Variants in CADPS observed in about 807,000 individuals in gnomAD.
The protein encoded by CADPS is calcium-dependent secretion activator 1.
In CADPS, 57 loss-of-function variants were observed where a neutral mutation model predicts 167.3. That is an observed-to-expected ratio of 0.34 (90% confidence interval 0.28 to 0.42). The LOEUF (loss-of-function observed/expected upper bound fraction) is 0.42. Ranked by LOEUF, CADPS falls within the 20% of genes least tolerant of loss-of-function variation. The pLI, the probability that CADPS is intolerant of heterozygous loss-of-function variation, is 1.00. For missense variants in CADPS, 1,414 were observed against 1,738.1 expected, an observed-to-expected ratio of 0.81 and a Z score of 3.32; for synonymous variants, 676 against 635.3, an observed-to-expected ratio of 1.06 and a Z score of -0.96.
At chr3:62,609,395 GTTTTACC>G (rs1368402068) in intron 6 of CADPS, among the ~76,000 whole-genome samples, 1 of 152,170 alleles carries the variant, frequency 6.6e-6, no homozygotes, top group Non-Finnish European at 1.5e-5. Flanking sequence ...CAGGTGCTCT[GTTTTACC>G]TTTTAAGGTT....
chr3:62,598,079 C>T (rs1456781140), intron 6 of CADPS, among the ~76,000 whole-genome samples: 1 of 152,166 alleles, frequency 6.6e-6, no homozygotes, highest in Non-Finnish European at 1.5e-5. Context: ...ATTTCCTCTC[C>T]TCAAATCCAC....
At position 62,399,358 on chromosome 3, in the gene CADPS, T is replaced by G; in HGVS notation, c.*48A>C. ...GGGTTTAACTAACAGACTAAGGACA[T>G]GCACTGATTACAGGACTCTGTCCCA... On this transcript the variant is annotated 3_prime_UTR_variant, in exon 30 of 30. Coordinates refer to ENST00000383710, the MANE Select transcript of CADPS (RefSeq NM_003716.4). The surrounding 1 kb of genome is among the most constrained non-coding windows in gnomAD (Gnocchi z 5.6). 1 of 1,571,234 alleles carries G rather than the reference T, an allele frequency of 6.4e-7. No homozygotes were observed. The highest frequency in any genetic ancestry group is 8.8e-7 in the Non-Finnish European group (1 of 1,142,432).
Position 62,601,908 on chromosome 3 carries a change from C to A in CADPS, c.1326-9160G>T, listed in dbSNP as rs1439897807. 1.3e-5 allele frequency among the ~76,000 whole-genome samples: 2 copies of A among 152,046 alleles called. No homozygotes were observed. Among genetic ancestry groups the A allele is most frequent in the African/African-American group, 4.8e-5 (2 of 41,388 alleles). On this transcript the variant is annotated intron_variant, in intron 6 of 29. Transcript: ENST00000383710. The surrounding 1 kb of genome is among the most constrained non-coding windows in gnomAD (Gnocchi z 4.3). Reference sequence around the variant, plus strand: ...TTGGGAGAGTGGAGCTCAGAAAAATCTATGGGTAAAACAACCTTGTTCTCT... The same window carrying A: ...TTGGGAGAGTGGAGCTCAGAAAAATATATGGGTAAAACAACCTTGTTCTCT...
At chr3:62,605,752 C>T (rs186064389) in intron 6 of CADPS, among the ~76,000 whole-genome samples, 168 of 152,278 alleles carry the variant, frequency 1.1e-3, no homozygotes, top group Non-Finnish European at 1.8e-3. Context: ...TGAGGAAATA[C>T]GTCCTAGCCT....
chr3:62,467,352 G>T lies in CADPS; in HGVS notation c.3478-939C>A. The T allele has an allele frequency of 1.7e-6, 2 of 1,199,556 alleles. 1 individual carries two copies. The highest frequency in any genetic ancestry group is 1.2e-4 in the East Asian group (2 of 16,484). 74.3% of individuals were successfully genotyped at this position (1,199,556 alleles called of 1,614,324 possible). On this transcript the variant is annotated intron_variant, in intron 24 of 29. Coordinates refer to ENST00000383710, the MANE Select transcript of CADPS (RefSeq NM_003716.4). ...ATTAATTAGGAACAGAAAAAAAAAG[G>T]AACAGTGCAAATACAAATTAGGACA...
intron 1 of CADPS, among the ~76,000 whole-genome samples, chr3:62,865,037 C>T (rs181023762): frequency 8.5e-5 from 13 of 152,086 alleles, no homozygotes; most frequent in African/African-American, 2.9e-4. Flanking sequence ...TGGAAGAACC[C>T]CCAAGAAATG....
chr3:62,503,230 T>C (rs1382128012), intron 17 of CADPS, among the ~76,000 whole-genome samples: 1 of 152,224 alleles, frequency 6.6e-6, no homozygotes, highest in Admixed American at 6.5e-5. Flanking sequence ...TGACCAGAAA[T>C]AGGACTTGAT....
intron 17 of CADPS, among the ~76,000 whole-genome samples, chr3:62,501,097 G>A (rs986350991): frequency 2.0e-5 from 3 of 152,184 alleles, no homozygotes; most frequent in Admixed American, 2.0e-4. Flanking sequence ...AATGTGGCTG[G>A]ATCTGGTTAG....
At chr3:62,687,734 ATTT>A (rs201429638) in intron 3 of CADPS, among the ~76,000 whole-genome samples, 25,065 of 128,332 alleles carry the variant, frequency 0.2, 2,048 homozygotes, top group Middle Eastern at 0.28. Context: ...TTCCCTTCGC[ATTT>A]TTTTTTTTTT....
At chr3:62,496,019 C>T (rs868605103) in intron 18 of CADPS, among the ~76,000 whole-genome samples, 1 of 151,754 alleles carries the variant, frequency 6.6e-6, no homozygotes, top group African/African-American at 2.4e-5. Context: ...AACAGCATGG[C>T]CACACAGCCA....
chr3:62,681,284 A>G (rs1168709885), intron 3 of CADPS, among the ~76,000 whole-genome samples: 2 of 152,036 alleles, frequency 1.3e-5, no homozygotes, highest in Non-Finnish European at 2.9e-5. Flanking sequence ...TGAAAAAACT[A>G]TGCCCTCTCC....
At chr3:62,555,246 T>C (rs886362015) in intron 10 of CADPS, among the ~76,000 whole-genome samples, 9 of 152,228 alleles carry the variant, frequency 5.9e-5, no homozygotes, top group East Asian at 3.8e-4. Context: ...ATCTTTCGTA[T>C]AGAAATTTAT....
intron 1 of CADPS, among the ~76,000 whole-genome samples, chr3:62,851,590 T>C (rs1423020990): frequency 7.1e-6 from 1 of 141,702 alleles, no homozygotes; most frequent in Non-Finnish European, 1.5e-5. Flanking sequence ...TTTAAGAATG[T>C]TGAATATTGG....
intron 1 of CADPS, among the ~76,000 whole-genome samples, chr3:62,859,147 A>AT (rs1357385807): frequency 6.6e-6 from 1 of 152,170 alleles, no homozygotes; most frequent in Non-Finnish European, 1.5e-5. Context: ...ATCTCCCTAA[A>AT]TTTGGGCATA....
intron 18 of CADPS, among the ~76,000 whole-genome samples, chr3:62,497,226 G>A (rs1370587337): frequency 2.0e-5 from 3 of 152,126 alleles, no homozygotes; most frequent in Admixed American, 6.5e-5. Context: ...TTCTTAGCCC[G>A]TAGCAGCCTC....
At chr3:62,510,990 C>T (rs530380986) in intron 17 of CADPS, among the ~76,000 whole-genome samples, 1 of 152,198 alleles carries the variant, frequency 6.6e-6, no homozygotes, top group Non-Finnish European at 1.5e-5. Context: ...CCAGTTCTAC[C>T]CTATTCCCTC....
At chr3:62,432,063 C>T (rs1412940413) in intron 28 of CADPS, among the ~76,000 whole-genome samples, 10 of 151,788 alleles carry the variant, frequency 6.6e-5, no homozygotes, top group Admixed American at 5.3e-4. Context: ...CCCCCAAAAC[C>T]CTGAAGTTCC....
intron 3 of CADPS, among the ~76,000 whole-genome samples, chr3:62,707,431 A>G (rs1251042659): frequency 1.3e-5 from 2 of 152,122 alleles, no homozygotes; most frequent in South Asian, 4.1e-4. Context: ...GGACTACATC[A>G]CCATTATATC....
intron 28 of CADPS, among the ~76,000 whole-genome samples, chr3:62,406,490 C>A (rs952395373): frequency 2.6e-5 from 4 of 152,176 alleles, no homozygotes; most frequent in Non-Finnish European, 4.4e-5. Flanking sequence ...TTTTCCAGAG[C>A]TACCCTAACA....
Sources: allele counts gnomAD v4.1 joint callset (sites outside exome capture counted in the v4.1 genomes callset), GRCh38; gene constraint gnomAD v4.1.1; non-coding constraint Gnocchi (gnomAD v3.1); transcripts MANE v1.5; gene names NCBI Gene and HGNC (gene_info 2026-07-23, HGNC 2026-07-21).